The following PCNX1 variants were observed in gnomAD, a reference collection of about 807,000 sequenced individuals.
PCNX1 encodes pecanex 1, also known as pecanex-like protein 1.
A neutral mutation model predicts 242.2 loss-of-function variants in PCNX1; 78 were observed. The observed-to-expected ratio is 0.32, with a 90% CI of 0.27 to 0.39. The LOEUF (loss-of-function observed/expected upper bound fraction) is 0.39, where lower values mean the gene tolerates loss of function less well. Among genes scored for constraint, PCNX1 ranks in the 10% least tolerant of loss-of-function variants. The pLI is 1.00. For missense variants in PCNX1, 2,581 were observed against 2,856.5 expected (o/e 0.90, Z 2.20); for synonymous variants, 1,024 against 1,032.9 (o/e 0.99, Z 0.17).
chr14:70,968,848 A>G (rs1052342090), intron 4 of PCNX1, among the ~76,000 whole-genome samples, 173 bp from the exon 5 acceptor site: 1 of 152,226 alleles, frequency 6.6e-6, no homozygotes, highest in Non-Finnish European at 1.5e-5. Flanking sequence ...CTGATAGTCC[A>G]TGATACTTCC....
intron 33 of PCNX1, 40 bp downstream of exon 33, chr14:71,105,480 T>A: frequency 6.8e-7 from 1 of 1,466,974 alleles, no homozygotes. Flanking sequence ...GTTAGCTTCT[T>A]AGCCATAGAG....
intron 7 of PCNX1, among the ~76,000 whole-genome samples, chr14:70,995,154 A>T (rs2140329419): frequency 6.6e-6 from 1 of 152,142 alleles, no homozygotes; most frequent in Admixed American, 6.5e-5. Flanking sequence ...ATTCCATGGC[A>T]ATTTGTATTT....
intron 26 of PCNX1, among the ~76,000 whole-genome samples, chr14:71,063,950 C>G (rs1421134702): frequency 1.3e-5 from 2 of 152,024 alleles, no homozygotes; most frequent in East Asian, 3.9e-4. Context: ...CACTTTCTTT[C>G]ATGTTAATTT....
chr14:71,084,372 A>G lies in PCNX1; in HGVS notation c.5338-3958A>G, dbSNP rs569440235. Among the ~76,000 whole-genome samples the G allele has an allele frequency of 4.5e-4, 68 of 152,342 alleles. 1 individual carries two copies. The highest frequency in any genetic ancestry group is 2.3e-3 in the Admixed American group (35 of 15,308). ...GCAGTCTGTCCCTTAGCAGAGCTCA[A>G]GTGCTGTGCTGGGAGATCCGCTGCT... is the stretch of plus-strand genomic sequence containing the variant. On this transcript the variant is annotated intron_variant, in intron 28 of 35. Coordinates refer to ENST00000304743, the MANE Select transcript of PCNX1 (RefSeq NM_014982.3).
At chr14:71,057,083 G>T (rs1007119630) in intron 25 of PCNX1, among the ~76,000 whole-genome samples, 1 of 151,996 alleles carries the variant, frequency 6.6e-6, no homozygotes, top group African/African-American at 2.4e-5. Flanking sequence ...CTTTTTGATT[G>T]TCTTATTTGT....
chr14:71,109,153 C>T, intron 34 of PCNX1, 107 bp downstream of exon 34: 3 of 1,004,612 alleles, frequency 3.0e-6, no homozygotes, highest in South Asian at 3.5e-5. Context: ...ATCTTAGTCT[C>T]AGGACTAGAA....
intron 30 of PCNX1, among the ~76,000 whole-genome samples, chr14:71,097,370 T>G (rs1302618936): frequency 6.6e-6 from 1 of 152,252 alleles, no homozygotes; most frequent in African/African-American, 2.4e-5. Context: ...TCTGTTTCTT[T>G]GAGAAATCTC....
chr14:70,986,628 T>C (rs140450276), intron 6 of PCNX1, among the ~76,000 whole-genome samples: 5 of 152,334 alleles, frequency 3.3e-5, no homozygotes, highest in African/African-American at 1.2e-4. Context: ...TCCTGTTCTG[T>C]ATGATTACGT....
chr14:70,994,202 T>C (rs2059257305), intron 7 of PCNX1, among the ~76,000 whole-genome samples: 1 of 151,802 alleles, frequency 6.6e-6, no homozygotes, highest in South Asian at 2.1e-4. Context: ...TTCTATATGG[T>C]AGACACTAAC....
At chr14:70,964,010 G>T (rs748986385) in intron 3 of PCNX1, among the ~76,000 whole-genome samples, 40 of 151,988 alleles carry the variant, frequency 2.6e-4, no homozygotes, top group African/African-American at 5.8e-4. Flanking sequence ...GAGTTTTTTT[G>T]TTGTTGTTGT....
intron 6 of PCNX1, among the ~76,000 whole-genome samples, chr14:70,987,204 G>T (rs1323103185): frequency 6.6e-6 from 1 of 152,122 alleles, no homozygotes; most frequent in African/African-American, 2.4e-5. Context: ...GTCACAAAAA[G>T]GCAACCTTAT....
chr14:71,017,249 A>G (rs1455772993), intron 11 of PCNX1, among the ~76,000 whole-genome samples: 1 of 152,228 alleles, frequency 6.6e-6, no homozygotes, highest in East Asian at 1.9e-4. Flanking sequence ...ACTTTCCCAC[A>G]AAGAAAACTC....
At chr14:71,005,865 A>G (rs912921128) in intron 8 of PCNX1, among the ~76,000 whole-genome samples, 14 of 152,192 alleles carry the variant, frequency 9.2e-5, no homozygotes, top group Admixed American at 3.9e-4. Context: ...TTTATGAACA[A>G]TAACAGTCAC....
chr14:71,073,255 G>A (rs527863352), intron 26 of PCNX1, among the ~76,000 whole-genome samples: 27 of 152,312 alleles, frequency 1.8e-4, no homozygotes, highest in Middle Eastern at 6.8e-3. Context: ...CTGAGATCAC[G>A]CCACTGCACT....
chr14:71,073,252 C>G (rs2061630496), intron 26 of PCNX1, among the ~76,000 whole-genome samples: 3 of 152,206 alleles, frequency 2.0e-5, no homozygotes, highest in Non-Finnish European at 4.4e-5. Flanking sequence ...GGGCTGAGAT[C>G]ACGCCACTGC....
intron 19 of PCNX1, among the ~76,000 whole-genome samples, chr14:71,036,897 A>G (rs1261017082): frequency 6.6e-6 from 1 of 151,962 alleles, no homozygotes; most frequent in Non-Finnish European, 1.5e-5. Context: ...CATTTTCACG[A>G]TATTTATTCT....
At chr14:71,001,664 T>G (rs1027969752) in intron 8 of PCNX1, among the ~76,000 whole-genome samples, 2 of 152,248 alleles carry the variant, frequency 1.3e-5, no homozygotes, top group Admixed American at 6.5e-5. Flanking sequence ...CTTTCTAACA[T>G]TAATCATTCT....
At chr14:71,095,735 G>T (rs890040665) in intron 30 of PCNX1, among the ~76,000 whole-genome samples, 1 of 151,934 alleles carries the variant, frequency 6.6e-6, no homozygotes, top group Non-Finnish European at 1.5e-5. Flanking sequence ...CACATACAGA[G>T]GCACCTCACA....
chr14:70,916,562 G>A (rs1026029737), intron 1 of PCNX1, among the ~76,000 whole-genome samples: 30 of 152,178 alleles, frequency 2.0e-4, no homozygotes, highest in African/African-American at 7.2e-4. Flanking sequence ...TTTACATTAT[G>A]CTGTAGTCTG....
Sources: gnomAD v4.1 joint callset for allele counts (sites outside exome capture counted in the v4.1 genomes callset) on GRCh38, gnomAD v4.1.1 for gene constraint, MANE v1.5 for transcripts, NCBI Gene and HGNC (gene_info 2026-07-23, HGNC 2026-07-21) for gene names.